The following FSTL5 variants were observed in gnomAD, a reference collection of about 807,000 sequenced individuals.
FSTL5 encodes the protein follistatin-related protein 5.
A neutral mutation model predicts 89.1 loss-of-function variants in FSTL5; 62 were observed. The observed-to-expected ratio is 0.70, with a 90% CI of 0.57 to 0.86. The LOEUF (loss-of-function observed/expected upper bound fraction) is 0.86. Among genes scored for constraint, FSTL5 ranks in the 40% least tolerant of loss-of-function variants. The pLI is 0.00. For missense variants in FSTL5, 1,057 were observed against 1,001.6 expected (o/e 1.06, Z -0.75); for synonymous variants, 383 against 346.2 (o/e 1.11, Z -1.18).
chr4:161,385,843 G>C lies in FSTL5; in HGVS notation c.2448C>G (p.Asp816Glu). The C allele has an allele frequency of 2.5e-6, 4 of 1,613,754 alleles. No homozygotes were observed. Among genetic ancestry groups the C allele is most frequent in the Non-Finnish European group, 3.4e-6 (4 of 1,179,814 alleles). ...FGQYLMTPSK[D>E]SLFILDGRLN... ...GTCGTCCATCTAGGATGAAGAGAGA[G>C]TCCTTGGAAGGTGTCATCAGGTATT... The change falls in exon 16 of 16, where the codon GAC becomes GAG. Residue 816 changes from aspartate to glutamate, a missense_variant. Asp to Glu is a conservative substitution (Grantham distance 45). Coordinates refer to ENST00000306100, the MANE Select transcript of FSTL5 (RefSeq NM_020116.5).
chr4:161,412,345 A>C (rs1053110830), intron 15 of FSTL5, among the ~76,000 whole-genome samples: 2 of 152,184 alleles, frequency 1.3e-5, no homozygotes, highest in Middle Eastern at 3.4e-3. Flanking sequence ...ACTAACCTAA[A>C]ATTCATATAG....
Position 161,435,052 on chromosome 4 carries a change from T to C in FSTL5, c.1841+19952A>G, listed in dbSNP as rs575987540. 1.8e-3 allele frequency among the ~76,000 whole-genome samples: 270 copies of C among 152,174 alleles called. 1 individual carries two copies. The highest frequency in any genetic ancestry group is 5.7e-3 in the African/African-American group (235 of 41,544). On this transcript the variant is annotated intron_variant, in intron 15 of 15. Transcript: ENST00000306100. ...AACTAAAAGTAGAGTTACCATATTATCCAGAAATCCCATTGCTAGGCATAT... is the reference window on the plus strand; with the variant it reads ...AACTAAAAGTAGAGTTACCATATTACCCAGAAATCCCATTGCTAGGCATAT...
In FSTL5 at chr4:162,160,318, T is replaced by A. The variant is rs151232373; in HGVS notation, c.-17+3297A>T. On this transcript the variant is annotated intron_variant, in intron 1 of 15. Coordinates refer to ENST00000306100, the MANE Select transcript of FSTL5 (RefSeq NM_020116.5). ...CACAGGGGGACTAATTGCTTTACTG[T>A]ATGGTTACCAATTTAATTGGAAAAT... 3.2e-4 allele frequency among the ~76,000 whole-genome samples: 49 copies of A among 151,920 alleles called. No homozygotes were observed. The East Asian group carries it at 7.7e-3, about 24-fold the overall frequency.
intron 2 of FSTL5, among the ~76,000 whole-genome samples, chr4:162,081,074 C>T (rs191452090): frequency 1.0e-3 from 152 of 151,622 alleles, no homozygotes; most frequent in Non-Finnish European, 1.3e-4. Flanking sequence ...TATTTTAGGG[C>T]ATATTTTTAT....
Position 162,031,779 on chromosome 4 carries a change from T to C in FSTL5, c.160+1846A>G, listed in dbSNP as rs556526993. 3.3e-5 allele frequency among the ~76,000 whole-genome samples: 5 copies of C among 152,008 alleles called. No homozygotes were observed. In the South Asian group the frequency reaches 1.0e-3, roughly 32 times the overall value. Reference sequence around the variant, plus strand: ...AGTGAAAGTCTGTCTCTACTAAAAATACAAAAACATTAGCTGGTCGTGGTG... The same window carrying C: ...AGTGAAAGTCTGTCTCTACTAAAAACACAAAAACATTAGCTGGTCGTGGTG... On this transcript the variant is annotated intron_variant, in intron 3 of 15. Coordinates refer to ENST00000306100, the MANE Select transcript of FSTL5 (RefSeq NM_020116.5).
At position 161,414,217 on chromosome 4, in the gene FSTL5, GT is replaced by G. The variant is rs568664578; in HGVS notation, c.1842-27769del. Among the ~76,000 whole-genome samples, 69 of 152,238 alleles carry G rather than the reference GT, an allele frequency of 4.5e-4. 1 individual carries two copies. Among genetic ancestry groups the G allele is most frequent in the African/African-American group, 1.7e-3 (69 of 41,560 alleles). Reference sequence around the variant, plus strand: ...ATAGTGAAAACAAGTAGAAATCAATGTTTAATTCTAACTCAAGATAACACTG... The same window carrying G: ...ATAGTGAAAACAAGTAGAAATCAATGTTAATTCTAACTCAAGATAACACTG... On this transcript the variant is annotated intron_variant, in intron 15 of 15. Transcript: ENST00000306100.
rs181999540 is a variant in FSTL5 at position 161,966,230 on chromosome 4, A to C, written c.161-45578T>G. Among the ~76,000 whole-genome samples the C allele has an allele frequency of 9.9e-5, 15 of 152,244 alleles. 1 individual carries two copies. The highest frequency in any genetic ancestry group is 9.8e-4 in the Admixed American group (15 of 15,256). ...GAACCTAAATTTCAGTTCATACTGA[A>C]GCTTGGCTTGGAACTCTACAATTGC... is the stretch of plus-strand genomic sequence containing the variant. On this transcript the variant is annotated intron_variant, in intron 3 of 15. Coordinates refer to ENST00000306100, the MANE Select transcript of FSTL5 (RefSeq NM_020116.5).
chr4:162,063,813 TA>T (rs1375010811), intron 2 of FSTL5, among the ~76,000 whole-genome samples: 1 of 152,056 alleles, frequency 6.6e-6, no homozygotes, highest in East Asian at 1.9e-4. Flanking sequence ...CTCCATCTCC[TA>T]ATACTTTTCT....
chr4:161,877,530 G>T (rs1722771893), intron 4 of FSTL5, among the ~76,000 whole-genome samples: 1 of 150,914 alleles, frequency 6.6e-6, no homozygotes, highest in Non-Finnish European at 1.5e-5. Context: ...TAATATTTTT[G>T]ACATACAACT....
At chr4:161,398,482 C>T (rs1029594826) in intron 15 of FSTL5, among the ~76,000 whole-genome samples, 1 of 152,028 alleles carries the variant, frequency 6.6e-6, no homozygotes, top group Non-Finnish European at 1.5e-5. Flanking sequence ...CCTGCTCCAT[C>T]GTCCTAAAGA....
rs190657364 is a variant in FSTL5 at position 161,384,313 on chromosome 4, C to T, written c.*1434G>A. 1 of 152,042 alleles carries T rather than the reference C, an allele frequency of 6.6e-6. No homozygotes were observed. Among genetic ancestry groups the T allele is most frequent in the Admixed American group, 6.6e-5 (1 of 15,264 alleles). 9.4% of individuals were successfully genotyped at this position (152,042 alleles called of 1,614,324 possible). A position where few individuals can be genotyped will look rare whatever the true frequency, so the allele number is the denominator to read the frequency against. On this transcript the variant is annotated 3_prime_UTR_variant, in exon 16 of 16. Transcript: ENST00000306100. ...AGTAAATGGAGGTCATTTCAACAGCCCATTAACATTTTTTTGCAACAATAA... is the reference window on the plus strand; with the variant it reads ...AGTAAATGGAGGTCATTTCAACAGCTCATTAACATTTTTTTGCAACAATAA...
chr4:161,854,059 C>T (rs1008043004), intron 4 of FSTL5, among the ~76,000 whole-genome samples: 6 of 151,940 alleles, frequency 3.9e-5, no homozygotes, highest in African/African-American at 1.5e-4. Flanking sequence ...TAGATCATAA[C>T]CTATATATAT....
intron 4 of FSTL5, among the ~76,000 whole-genome samples, chr4:161,899,521 C>T (rs375397065): frequency 6.6e-6 from 1 of 152,200 alleles, no homozygotes; most frequent in Non-Finnish European, 1.5e-5. Context: ...TTCTGCCAAT[C>T]TTAGTGAACT....
At chr4:161,818,322 A>C (rs779692256) in intron 4 of FSTL5, among the ~76,000 whole-genome samples, 25 of 152,172 alleles carry the variant, frequency 1.6e-4, no homozygotes, top group Non-Finnish European at 2.9e-4. Flanking sequence ...TCCACTCAAT[A>C]AAACCTTGCA....
intron 7 of FSTL5, among the ~76,000 whole-genome samples, chr4:161,594,030 G>T (rs1267562095): frequency 6.6e-6 from 1 of 152,124 alleles, no homozygotes; most frequent in African/African-American, 2.4e-5. Context: ...CCAAACTTTT[G>T]TAGAAATTAA....
intron 1 of FSTL5, among the ~76,000 whole-genome samples, chr4:162,153,230 A>G (rs1733300386): frequency 6.6e-6 from 1 of 152,096 alleles, no homozygotes; most frequent in East Asian, 1.9e-4. Flanking sequence ...AGTTATAATT[A>G]TGGATAAAAA....
intron 5 of FSTL5, among the ~76,000 whole-genome samples, chr4:161,774,337 C>T (rs1741321060): frequency 1.3e-5 from 2 of 152,104 alleles, no homozygotes; most frequent in South Asian, 2.1e-4. Flanking sequence ...GAAGCATGGC[C>T]CTGTCAACAC....
chr4:161,642,796 G>A (rs561660309), intron 7 of FSTL5, among the ~76,000 whole-genome samples: 1 of 66,808 alleles, frequency 1.5e-5, no homozygotes, highest in Admixed American at 1.8e-4. Context: ...GAGTGGAGAG[G>A]AAGATAGAAT....
intron 7 of FSTL5, among the ~76,000 whole-genome samples, chr4:161,637,468 T>C (rs1365507736): frequency 2.0e-5 from 3 of 151,788 alleles, no homozygotes; most frequent in Admixed American, 1.3e-4. Flanking sequence ...TTTAGTTTAA[T>C]GAGATCTCAT....
Sources: allele counts gnomAD v4.1 joint callset (sites outside exome capture counted in the v4.1 genomes callset), GRCh38; gene constraint gnomAD v4.1.1; transcripts MANE v1.5; gene names NCBI Gene and HGNC (gene_info 2026-07-23, HGNC 2026-07-21).